The following STK31 variants were observed in gnomAD, a reference collection of about 807,000 sequenced individuals.
STK31 encodes serine/threonine kinase 31.
STK31 carries 89 observed loss-of-function variants against 129.7 expected under a neutral mutation model. The observed-to-expected ratio is 0.69, with a 90% confidence interval of 0.58 to 0.82. The LOEUF (loss-of-function observed/expected upper bound fraction) is 0.82. Ranked by LOEUF, STK31 falls within the 40% of genes least tolerant of loss-of-function variation. The probability of loss-of-function intolerance (pLI) is 0.00; values close to 1 mark genes in which losing one functional copy is unlikely to be tolerated. For synonymous variants in STK31, 448 were observed against 395.3 expected (o/e 1.13, Z -1.58); for missense variants, 1,187 against 1,176.4 (o/e 1.01, Z -0.13).
intron 23 of STK31, among the ~76,000 whole-genome samples, chr7:23,819,815 A>G (rs533816813): frequency 1.3e-5 from 2 of 152,230 alleles, no homozygotes; most frequent in African/African-American, 4.8e-5. Flanking sequence ...GATCATTTAC[A>G]TGTTCTAATA....
chr7:23,736,041 G>C, intron 7 of STK31, 145 bp downstream of exon 7: 1 of 636,008 alleles, frequency 1.6e-6, no homozygotes, highest in Non-Finnish European at 2.5e-6. Context: ...TTTCTCAAAT[G>C]TATTCCTCTC....
At chr7:23,813,450 T>C (rs917713117) in intron 22 of STK31, among the ~76,000 whole-genome samples, 1 of 152,162 alleles carries the variant, frequency 6.6e-6, no homozygotes, top group African/African-American at 2.4e-5. Flanking sequence ...GATTTTTAAT[T>C]TTATCTTGGA....
chr7:23,776,695 A>G (rs373077741), intron 15 of STK31, among the ~76,000 whole-genome samples: 3 of 151,636 alleles, frequency 2.0e-5, no homozygotes, highest in Non-Finnish European at 1.5e-5. Context: ...ATCATTTTTT[A>G]TTGTGTCTAT....
intron 14 of STK31, 147 bp downstream of exon 14, chr7:23,771,271 GATATAA>G (rs760955169): frequency 3.7e-5 from 25 of 675,028 alleles, no homozygotes; most frequent in Admixed American, 2.1e-4. Context: ...GATTTTTGAT[GATATAA>G]ATATATCAAA....
intron 8 of STK31, among the ~76,000 whole-genome samples, chr7:23,739,996 C>G (rs994772428): frequency 2.0e-5 from 3 of 152,092 alleles, no homozygotes; most frequent in African/African-American, 7.2e-5. Context: ...GTAGTTTTTT[C>G]TAGTTCTGTG....
intron 22 of STK31, among the ~76,000 whole-genome samples, chr7:23,796,333 A>C (rs924486574): frequency 6.7e-6 from 1 of 150,078 alleles, no homozygotes; most frequent in East Asian, 2.0e-4. Flanking sequence ...TTATATCAGA[A>C]GGGTGAAAGT....
chr7:23,736,346 A>T (rs1209554454), intron 7 of STK31, among the ~76,000 whole-genome samples: 1 of 152,158 alleles, frequency 6.6e-6, no homozygotes, highest in African/African-American at 2.4e-5. Context: ...GAGTTTGATT[A>T]TTCCGAATAC....
intron 17 of STK31, among the ~76,000 whole-genome samples, chr7:23,784,153 G>T (rs932369286): frequency 4.6e-5 from 7 of 151,974 alleles, no homozygotes; most frequent in African/African-American, 1.7e-4. Context: ...TATTAAATAG[G>T]GGCCATAGGG....
At chr7:23,797,722 A>T (rs550528135) in intron 22 of STK31, among the ~76,000 whole-genome samples, 2 of 152,190 alleles carry the variant, frequency 1.3e-5, no homozygotes, top group African/African-American at 2.4e-5. Context: ...AAGAACAAAC[A>T]AATTCAAAAG....
intron 8 of STK31, among the ~76,000 whole-genome samples, chr7:23,750,188 C>G (rs1788630746): frequency 6.6e-6 from 1 of 151,328 alleles, no homozygotes; most frequent in Admixed American, 6.6e-5. Flanking sequence ...CATGGGGGCC[C>G]CCATGACTGG....
intron 18 of STK31, 21 bp downstream of exon 18, chr7:23,785,624 C>G (rs1791227359): frequency 1.2e-6 from 2 of 1,603,010 alleles, no homozygotes; most frequent in African/African-American, 1.3e-5. Flanking sequence ...CTTCTTCTTA[C>G]TTGTGGGAGA....
At position 23,765,383 on chromosome 7, in the gene STK31, C is replaced by T. The variant is rs141531844; in HGVS notation, c.1416+2460C>T. On this transcript the variant is annotated intron_variant, in intron 11 of 23. Transcript: ENST00000355870. ...CTTTATTTTTAACCTTTTGTATTCA[C>T]GTTTTGAAATAACCTCTTGATAACA... Among the ~76,000 whole-genome samples the T allele has an allele frequency of 3.2e-4, 49 of 152,094 alleles. No individual in the cohort carries two copies. In the East Asian group the frequency reaches 8.5e-3, roughly 26 times the overall value.
intron 23 of STK31, among the ~76,000 whole-genome samples, chr7:23,830,592 T>TTGTGTGTGTGTGTGTGTGTGTGTGTGTG (rs3034048): frequency 3.5e-5 from 5 of 142,140 alleles, no homozygotes; most frequent in Non-Finnish European, 7.6e-5. Flanking sequence ...AATTTCCATG[T>TTGTGTGTGTGTGTGTGTGTGTGTGTGTG]TGTGTGTGTG....
At chr7:23,762,134 G>A (rs1048942312) in intron 10 of STK31, among the ~76,000 whole-genome samples, 3 of 151,328 alleles carry the variant, frequency 2.0e-5, no homozygotes, top group African/African-American at 4.9e-5. Context: ...TGTGCACAAT[G>A]TGCAGGTTAG....
chr7:23,727,553 GTTCT>G, intron 5 of STK31: 12 of 181,404 alleles, frequency 6.6e-5, no homozygotes, highest in East Asian at 1.8e-4. Flanking sequence ...TTTTACCTCA[GTTCT>G]TTTTTTTTTT....
At chr7:23,827,254 CT>C (rs1794219394) in intron 23 of STK31, among the ~76,000 whole-genome samples, 1 of 152,212 alleles carries the variant, frequency 6.6e-6, no homozygotes, top group Non-Finnish European at 1.5e-5. Flanking sequence ...TAGATTTGGT[CT>C]TTTCACGTAG....
At chr7:23,738,054 C>A (rs1463175296) in intron 8 of STK31, among the ~76,000 whole-genome samples, 1 of 152,188 alleles carries the variant, frequency 6.6e-6, no homozygotes, top group African/African-American at 2.4e-5. Context: ...GCTGCCTCTA[C>A]TTTAGATGCC....
At chr7:23,783,942 A>T (rs939677819) in intron 17 of STK31, among the ~76,000 whole-genome samples, 5 of 152,160 alleles carry the variant, frequency 3.3e-5, no homozygotes, top group African/African-American at 1.2e-4. Context: ...TTACTTTTTG[A>T]AATGACAAAA....
chr7:23,767,365 G>A (rs899426624), intron 11 of STK31, among the ~76,000 whole-genome samples: 1 of 152,166 alleles, frequency 6.6e-6, no homozygotes, highest in African/African-American at 2.4e-5. Context: ...AAGAGTGAAA[G>A]TCTGGACCAC....
Sources: gnomAD v4.1 joint callset for allele counts (sites outside exome capture counted in the v4.1 genomes callset) on GRCh38, gnomAD v4.1.1 for gene constraint, MANE v1.5 for transcripts, NCBI Gene and HGNC (gene_info 2026-07-23, HGNC 2026-07-21) for gene names.